The following TUT7 variants were observed in gnomAD, a reference collection of about 807,000 sequenced individuals.
TUT7 encodes the protein terminal uridylyl transferase 7.
Under a neutral mutation model 165.9 loss-of-function variants are expected in TUT7, and 33 were observed. The observed-to-expected ratio is 0.20, with a 90% CI of 0.15 to 0.27. The LOEUF (loss-of-function observed/expected upper bound fraction) is 0.27. TUT7 is among the 10% of genes least tolerant of loss of function. The pLI, the probability that TUT7 is intolerant of heterozygous loss-of-function variation, is 1.00. For missense variants in TUT7, 1,338 were observed against 1,762.3 expected, an observed-to-expected ratio of 0.76 and a Z score of 4.31; for synonymous variants, 552 against 608.1, an observed-to-expected ratio of 0.91 and a Z score of 1.36.
intron 22 of TUT7, among the ~76,000 whole-genome samples, chr9:86,307,880 G>A (rs1041198307): frequency 6.6e-6 from 1 of 152,132 alleles, no homozygotes; most frequent in Non-Finnish European, 1.5e-5. Flanking sequence ...TGTAATCCCA[G>A]CTACTCAGGT....
At chr9:86,339,915 C>A in intron 8 of TUT7, 121 bp downstream of exon 8, 1 of 735,616 alleles carries the variant, frequency 1.4e-6, no homozygotes, top group Non-Finnish European at 2.4e-6. Flanking sequence ...TTAGTAGGAA[C>A]CATGTGTGAT....
intron 25 of TUT7, among the ~76,000 whole-genome samples, chr9:86,302,677 C>T (rs1002843108): frequency 2.1e-5 from 3 of 145,290 alleles, no homozygotes; most frequent in South Asian, 2.2e-4. Flanking sequence ...AGTGCAATGG[C>T]GTGATTTGGG....
rs73488861 is a variant in TUT7, at chr9:86,327,523, A to G, written c.1608+817T>C. On this transcript the variant is annotated intron_variant, in intron 11 of 26. Coordinates refer to ENST00000375963, the MANE Select transcript of TUT7 (RefSeq NM_024617.4). ...GGGAAGTGGGAGAGCTGGGATACAA[A>G]TTCACATATTCTGGCTCCACAGCCT... 6.1e-3 allele frequency among the ~76,000 whole-genome samples: 933 copies of G among 152,268 alleles called. 10 individuals carry two copies. The highest frequency in any genetic ancestry group is 0.022 in the African/African-American group (903 of 41,542).
intron 26 of TUT7, chr9:86,298,968 AC>A: frequency 4.3e-6 from 1 of 233,796 alleles, no homozygotes; most frequent in Non-Finnish European, 7.0e-6. Flanking sequence ...GAAAAGCAAG[AC>A]CATGGGCAGG....
chr9:86,297,285 C>A (rs536348685), intron 26 of TUT7, among the ~76,000 whole-genome samples: 1 of 152,142 alleles, frequency 6.6e-6, no homozygotes, highest in African/African-American at 2.4e-5. Flanking sequence ...TATATGCAGG[C>A]GCTGTTCTAA....
At position 86,310,695 on chromosome 9, in the gene TUT7, A is replaced by G. The variant is rs368878491; in HGVS notation, c.3378+11T>C. On this transcript the variant is annotated intron_variant, in intron 18 of 26. Coordinates refer to ENST00000375963, the MANE Select transcript of TUT7 (RefSeq NM_024617.4). ...AACCTCTCTAAACAAAAAGCCTGAA[A>G]AAAATCTTACCAATGTGTTATACAA... The G allele has an allele frequency of 1.3e-6, 2 of 1,535,270 alleles. No individual in the cohort carries two copies. The highest frequency in any genetic ancestry group is 2.7e-5 in the African/African-American group (2 of 73,122).
chr9:86,345,921 G>T, intron 3 of TUT7, 136 bp from the exon 4 acceptor site: 2 of 673,004 alleles, frequency 3.0e-6, no homozygotes, highest in Non-Finnish European at 5.1e-6. Context: ...TGTTGCCCTG[G>T]CTGGAGTGAA....
chr9:86,349,535 A>T (rs1269437123), intron 2 of TUT7, among the ~76,000 whole-genome samples: 2 of 152,178 alleles, frequency 1.3e-5, no homozygotes, highest in Non-Finnish European at 2.9e-5. Context: ...AGTAATGTAG[A>T]GCTGAAAAAA....
chr9:86,316,677 A>G (rs1227795282), intron 17 of TUT7, among the ~76,000 whole-genome samples: 1 of 152,244 alleles, frequency 6.6e-6, no homozygotes, highest in African/African-American at 2.4e-5. Flanking sequence ...CAATATGCAT[A>G]TAAATTATCA....
At chr9:86,296,452 AG>A (rs1246912456) in intron 26 of TUT7, among the ~76,000 whole-genome samples, 1 of 152,280 alleles carries the variant, frequency 6.6e-6, no homozygotes, top group Admixed American at 6.5e-5. Flanking sequence ...AGGGGGAGGG[AG>A]GTAACAACGA....
intron 18 of TUT7, among the ~76,000 whole-genome samples, chr9:86,310,470 C>T (rs1827946059): frequency 6.6e-6 from 1 of 152,128 alleles, no homozygotes. Context: ...TATAAGATCT[C>T]TCTGCACAAA....
chr9:86,304,816 T>C (rs758807667), intron 24 of TUT7, 40 bp downstream of exon 24: 1 of 1,422,200 alleles, frequency 7.0e-7, no homozygotes, highest in Middle Eastern at 2.4e-4. Flanking sequence ...TTAGGCACTT[T>C]TTTTTATTTT....
In TUT7 at chr9:86,308,424, C is replaced by T. The variant is rs758602370; in HGVS notation, c.3838+5G>A. On this transcript the variant is annotated splice_donor_5th_base_variant and intron_variant, in intron 22 of 26. Coordinates refer to ENST00000375963, the MANE Select transcript of TUT7 (RefSeq NM_024617.4). ...ATTCGACTTCAAGTTTAATTTTATT[C>T]GTACCTTCAATAACAATGTATTTTG... is the stretch of plus-strand genomic sequence containing the variant. 135 of 1,608,002 alleles carry T rather than the reference C, an allele frequency of 8.4e-5. No homozygotes were observed. Among genetic ancestry groups the T allele is most frequent in the Non-Finnish European group, 9.9e-5 (116 of 1,177,380 alleles).
chr9:86,338,217 T>C (rs548838631), intron 9 of TUT7, among the ~76,000 whole-genome samples: 4 of 150,788 alleles, frequency 2.7e-5, no homozygotes, highest in Admixed American at 2.6e-4. Context: ...TCTCTTTTTT[T>C]TTTTTTTTTT....
At chr9:86,297,918 C>G (rs1826488268) in intron 26 of TUT7, among the ~76,000 whole-genome samples, 1 of 30,400 alleles carries the variant, frequency 3.3e-5, no homozygotes, top group East Asian at 6.8e-3. Context: ...TCTGCCTGCT[C>G]CACTTTTTTT....
At chr9:86,350,247 C>G (rs201366575) in intron 2 of TUT7, among the ~76,000 whole-genome samples, 1 of 152,272 alleles carries the variant, frequency 6.6e-6, no homozygotes, top group Middle Eastern at 3.4e-3. Flanking sequence ...AAGAGAATTG[C>G]TTGAACCTGG....
In TUT7 at chr9:86,354,153, G is replaced by A. The variant is rs1483484056; in HGVS notation, c.-32+118C>T. 3 of 152,504 alleles carry A rather than the reference G, an allele frequency of 2.0e-5. No individual in the cohort carries two copies. The East Asian group carries it at 5.8e-4, about 29-fold the overall frequency. 9.4% of individuals were successfully genotyped at this position (152,504 alleles called of 1,614,324 possible). A position where few individuals can be genotyped will look rare whatever the true frequency, so the allele number is the denominator to read the frequency against. On this transcript the variant is annotated intron_variant, in intron 1 of 26. Coordinates refer to ENST00000375963, the MANE Select transcript of TUT7 (RefSeq NM_024617.4). ...CCAAATCCCGTCTTCTGCGCCCGCA[G>A]TCTGACAAAAAGTGAAAACACGGAC...
intron 1 of TUT7, among the ~76,000 whole-genome samples, chr9:86,353,646 A>C (rs1182822565): frequency 1.3e-5 from 2 of 152,172 alleles, no homozygotes; most frequent in Non-Finnish European, 2.9e-5. Context: ...TTAAGTTGGC[A>C]ATTACTTGTA....
At position 86,301,552 on chromosome 9, in the gene TUT7, C is replaced by G. The variant is rs759728713; in HGVS notation, c.4144G>C (p.Glu1382Gln). 1 of 1,613,686 alleles carries G rather than the reference C, an allele frequency of 6.2e-7. No homozygotes were observed. The highest frequency in any genetic ancestry group is 1.7e-5 in the Admixed American group (1 of 59,868). The change falls in exon 26 of 27, where the codon GAG becomes CAG. Residue 1382 changes from glutamate (E) to glutamine (Q), a missense_variant. Around this residue, in one of 7 missense-constraint regions of TUT7, gnomAD observed 167 missense variants for 204.9 expected, o/e 0.82. Transcript: ENST00000375963. ...TCTTTGCTTCTTTTTTCCTTGTTCT[C>G]AGGGTATCTTTGGTTCAGGGCATCT... ...QEDALNQRYP[E>Q]NKEKRSKEDK...
Sources: allele counts gnomAD v4.1 joint callset (sites outside exome capture counted in the v4.1 genomes callset), GRCh38; gene constraint gnomAD v4.1.1; regional missense constraint gnomAD v4.1.1; transcripts MANE v1.5; gene names NCBI Gene and HGNC (gene_info 2026-07-23, HGNC 2026-07-21).